The following ARL15 variants were observed in gnomAD, a reference collection of about 807,000 sequenced individuals.
The protein encoded by ARL15 is ADP-ribosylation factor-like protein 15.
Under a neutral mutation model 25.2 loss-of-function variants are expected in ARL15, and 19 were observed. The observed-to-expected ratio is 0.75, with a 90% confidence interval of 0.53 to 1.10. ARL15 has a LOEUF of 1.10. Ranked by LOEUF, ARL15 falls within the 50% of genes least tolerant of loss-of-function variation. The pLI is 0.00. For synonymous variants in ARL15, 94 were observed against 86.8 expected, an observed-to-expected ratio of 1.08 and a Z score of -0.46; for missense variants, 220 against 246.0, an observed-to-expected ratio of 0.89 and a Z score of 0.71.
At chr5:53,916,752 C>T (rs2112000348) in intron 4 of ARL15, among the ~76,000 whole-genome samples, 1 of 152,114 alleles carries the variant, frequency 6.6e-6, no homozygotes, top group Non-Finnish European at 1.5e-5. Context: ...ACATAATTTC[C>T]CCTAAAGGCT....
intron 4 of ARL15, among the ~76,000 whole-genome samples, chr5:53,988,084 C>G (rs1303502290): frequency 1.3e-5 from 2 of 151,744 alleles, no homozygotes; most frequent in African/African-American, 4.8e-5. Context: ...GCCTGGGCGA[C>G]AGAGTGAGAC....
intron 3 of ARL15, among the ~76,000 whole-genome samples, chr5:54,145,623 T>C (rs1753883493): frequency 6.6e-6 from 1 of 151,918 alleles, no homozygotes; most frequent in African/African-American, 2.4e-5. Flanking sequence ...TGTGTGTGTG[T>C]GTGCGTGCGT....
intron 4 of ARL15, among the ~76,000 whole-genome samples, chr5:54,109,154 A>C (rs1752668076): frequency 6.6e-6 from 1 of 151,978 alleles, no homozygotes; most frequent in Non-Finnish European, 1.5e-5. Context: ...TAATGTTGAC[A>C]CCCTAATTTA....
At chr5:53,937,845 AGTGGGGTGGG>A (rs2112074199) in intron 4 of ARL15, among the ~76,000 whole-genome samples, 1 of 150,294 alleles carries the variant, frequency 6.7e-6, no homozygotes, top group East Asian at 1.9e-4. Flanking sequence ...AAAGGGGTGG[AGTGGGGTGGG>A]GTGAAGTGGG....
chr5:54,128,761 A>C (rs1397150746), intron 3 of ARL15, among the ~76,000 whole-genome samples: 13 of 145,126 alleles, frequency 9.0e-5, no homozygotes. Context: ...ACTGTAGTGC[A>C]ATGGCGCAAT....
At chr5:54,147,894 C>T (rs764620610) in intron 3 of ARL15, among the ~76,000 whole-genome samples, 6 of 152,098 alleles carry the variant, frequency 3.9e-5, no homozygotes, top group Non-Finnish European at 7.3e-5. Flanking sequence ...TCTGGCTTTG[C>T]AGTGTGGCAT....
At chr5:53,927,892 T>C (rs987814713) in intron 4 of ARL15, among the ~76,000 whole-genome samples, 2 of 152,174 alleles carry the variant, frequency 1.3e-5, no homozygotes, top group African/African-American at 2.4e-5. Flanking sequence ...ACTAACTCTG[T>C]GACCGTGGAT....
At chr5:54,242,001 A>G (rs1756970890) in intron 1 of ARL15, among the ~76,000 whole-genome samples, 1 of 152,192 alleles carries the variant, frequency 6.6e-6, no homozygotes. Flanking sequence ...AAAGGCAGAA[A>G]TCGGGCTGAA....
intron 1 of ARL15, among the ~76,000 whole-genome samples, chr5:54,185,767 G>T (rs1349990938): frequency 6.6e-6 from 1 of 152,152 alleles, no homozygotes; most frequent in Non-Finnish European, 1.5e-5. Flanking sequence ...ATCATCATGA[G>T]TGCTAATATT....
At chr5:54,178,387 C>G (rs1754948886) in intron 1 of ARL15, among the ~76,000 whole-genome samples, 2 of 152,158 alleles carry the variant, frequency 1.3e-5, no homozygotes, top group African/African-American at 4.8e-5. Context: ...CTACCCAAGC[C>G]CCACACTGTT....
At chr5:54,155,531 C>A (rs1049529429) in intron 2 of ARL15, among the ~76,000 whole-genome samples, 8 of 152,154 alleles carry the variant, frequency 5.3e-5, no homozygotes, top group Non-Finnish European at 2.9e-5. Flanking sequence ...CATAGGCAAT[C>A]ATTTTATAAT....
chr5:54,059,227 T>A (rs1030974362), intron 4 of ARL15, among the ~76,000 whole-genome samples: 1 of 152,320 alleles, frequency 6.6e-6, no homozygotes, highest in Non-Finnish European at 1.5e-5. Context: ...TGATATAACA[T>A]GGCTACTTCC....
At chr5:54,069,055 T>C (rs928989937) in intron 4 of ARL15, among the ~76,000 whole-genome samples, 6 of 152,214 alleles carry the variant, frequency 3.9e-5, no homozygotes, top group African/African-American at 1.4e-4. Context: ...ATGGGACTTC[T>C]TCAATGCGAC....
intron 4 of ARL15, among the ~76,000 whole-genome samples, chr5:54,065,323 C>A (rs1344918317): frequency 6.6e-6 from 1 of 152,158 alleles, no homozygotes; most frequent in Non-Finnish European, 1.5e-5. Context: ...AATATAATAG[C>A]CACTAGCTAC....
rs78804603 is a variant in ARL15 at position 54,220,934 on chromosome 5, T to C, written c.49-49006A>G. Among the ~76,000 whole-genome samples the C allele has an allele frequency of 8.4e-3, 1,285 of 152,110 alleles. 15 individuals carry two copies. Among genetic ancestry groups the C allele is most frequent in the African/African-American group, 0.029 (1,220 of 41,470 alleles). On this transcript the variant is annotated intron_variant, in intron 1 of 4. Transcript: ENST00000504924. Reference sequence around the variant, plus strand: ...TCAGTAGACATGTGTCTTTTTTTTTTCCCTTTAATTCTGAATAAAATTCCA... The same window carrying C: ...TCAGTAGACATGTGTCTTTTTTTTTCCCCTTTAATTCTGAATAAAATTCCA...
chr5:54,198,625 C>A (rs2112476012), intron 1 of ARL15, among the ~76,000 whole-genome samples: 1 of 148,818 alleles, frequency 6.7e-6, no homozygotes, highest in African/African-American at 2.5e-5. Context: ...AACTACAAAC[C>A]ACTGCTCAAT....
intron 4 of ARL15, among the ~76,000 whole-genome samples, chr5:53,978,203 C>A (rs952089065): frequency 1.3e-5 from 2 of 152,120 alleles, no homozygotes; most frequent in African/African-American, 4.8e-5. Flanking sequence ...TGCTTTAAGT[C>A]ACTGCCAGTT....
At chr5:53,954,790 T>C (rs1747090101) in intron 4 of ARL15, among the ~76,000 whole-genome samples, 1 of 152,134 alleles carries the variant, frequency 6.6e-6, no homozygotes. Flanking sequence ...CCTCTTTGCA[T>C]AGGAAAGAAC....
At chr5:54,023,724 T>C (rs1749689606) in intron 4 of ARL15, among the ~76,000 whole-genome samples, 2 of 152,200 alleles carry the variant, frequency 1.3e-5, no homozygotes, top group African/African-American at 4.8e-5. Flanking sequence ...TTCTCTGAAG[T>C]TCCCTTATCT....
Sources: gnomAD v4.1 joint callset for allele counts (sites outside exome capture counted in the v4.1 genomes callset) on GRCh38, gnomAD v4.1.1 for gene constraint, MANE v1.5 for transcripts, NCBI Gene and HGNC (gene_info 2026-07-23, HGNC 2026-07-21) for gene names.